The following LAMA2 variants were observed in gnomAD, a reference collection of about 807,000 sequenced individuals.
LAMA2 encodes the protein laminin subunit alpha-2.
In LAMA2, 269 loss-of-function variants were observed where a neutral mutation model predicts 364.8. The observed-to-expected ratio is 0.74, with a 90% CI of 0.67 to 0.82. The LOEUF is 0.82. Ranked by LOEUF, LAMA2 falls within the 40% of genes least tolerant of loss-of-function variation. The probability of loss-of-function intolerance (pLI) is 0.00; values close to 1 mark genes in which losing one functional copy is unlikely to be tolerated. For missense variants in LAMA2, 3,807 were observed against 3,873.2 expected, an observed-to-expected ratio of 0.98 and a Z score of 0.45; for synonymous variants, 1,379 against 1,370.6, an observed-to-expected ratio of 1.01 and a Z score of -0.14.
In LAMA2 at chr6:129,177,714, C is replaced by T. The variant is rs1189105467; in HGVS notation, c.1315C>T (p.Pro439Ser). The T allele has an allele frequency of 3.1e-6, 5 of 1,613,820 alleles. No homozygotes were observed. The highest frequency in any genetic ancestry group is 4.2e-6 in the Non-Finnish European group (5 of 1,179,880). ...DEKHARRGLA[P>S]GSCHCKTGFG... is the part of the protein sequence containing the mutation. ...GGCTCATCTTTCTTTAGGTTTGGCA[C>T]CTGGATCCTGTCATTGCAAAACTGG... The change falls in exon 10 of 65, where the codon CCT becomes TCT. Residue 439 changes from proline to serine, a missense_variant. Pro to Ser is a moderately conservative substitution (Grantham distance 74, BLOSUM62 -1). Coordinates refer to ENST00000421865, the MANE Select transcript of LAMA2 (RefSeq NM_000426.4).
At chr6:129,442,951 C>T (rs953627751) in intron 43 of LAMA2, 112 bp from the exon 44 acceptor site, 2 of 721,268 alleles carry the variant, frequency 2.8e-6, no homozygotes, top group Non-Finnish European at 4.7e-6. Flanking sequence ...ATAATTAGTA[C>T]CTGTTATGAA....
At chr6:129,086,371 A>G (rs949367298) in intron 3 of LAMA2, among the ~76,000 whole-genome samples, 1 of 152,224 alleles carries the variant, frequency 6.6e-6, no homozygotes, top group Non-Finnish European at 1.5e-5. Context: ...CAAGACATTA[A>G]CAGACATTTA....
chr6:128,991,211 A>G (rs1783589232), intron 1 of LAMA2, among the ~76,000 whole-genome samples: 1 of 152,078 alleles, frequency 6.6e-6, no homozygotes, highest in Non-Finnish European at 1.5e-5. Context: ...AGCTTATTTT[A>G]TTCTCTTAGA....
In LAMA2 at chr6:129,099,130, T is replaced by TG. The variant is rs549750609; in HGVS notation, c.639+715_639+716insG. On this transcript the variant is annotated intron_variant, in intron 4 of 64. Coordinates refer to ENST00000421865, the MANE Select transcript of LAMA2 (RefSeq NM_000426.4). The stretch of plus-strand genomic sequence containing the variant: ...GGCGGGGAGGTTTTTTTTTTGTTTT[T>TG]TTTTTTTTTGTTTTCTGGCTTAGTT... Among the ~76,000 whole-genome samples, 1,053 of 149,546 alleles carry TG rather than the reference T, an allele frequency of 7.0e-3. 15 individuals are homozygous for TG. Among genetic ancestry groups the TG allele is most frequent in the South Asian group, 0.043 (205 of 4,760 alleles).
In LAMA2 at chr6:128,904,451, TC is replaced by T. The variant is rs756850117; in HGVS notation, c.112+21095del. Among the ~76,000 whole-genome samples the T allele has an allele frequency of 2.4e-3, 351 of 145,138 alleles. 1 individual carries two copies. Among genetic ancestry groups the T allele is most frequent in the African/African-American group, 8.7e-3 (330 of 37,922 alleles). On this transcript the variant is annotated intron_variant, in intron 1 of 64. Transcript: ENST00000421865. ...GCTGAGTTTCTTTATTTTTTTCCTT[TC>T]TTTTTTTTTTTTTTTTTTTTAAGAT...
chr6:129,200,239 CAT>C (rs1782141033), intron 12 of LAMA2, among the ~76,000 whole-genome samples: 1 of 127,276 alleles, frequency 7.9e-6, no homozygotes, highest in Admixed American at 7.4e-5. Flanking sequence ...TACACATATA[CAT>C]GTGTATATAT....
intron 46 of LAMA2, among the ~76,000 whole-genome samples, chr6:129,453,546 T>A (rs1322016192): frequency 6.6e-6 from 1 of 152,164 alleles, no homozygotes; most frequent in Non-Finnish European, 1.5e-5. Flanking sequence ...TTTTTACCAA[T>A]GGAAACTCTT....
chr6:128,904,735 G>A (rs1004478961), intron 1 of LAMA2, among the ~76,000 whole-genome samples: 1 of 152,118 alleles, frequency 6.6e-6, no homozygotes, highest in Non-Finnish European at 1.5e-5. Flanking sequence ...GGGATTACAG[G>A]TGTGAACCAC....
intron 22 of LAMA2, among the ~76,000 whole-genome samples, chr6:129,304,131 T>C (rs931114292): frequency 3.5e-4 from 54 of 152,192 alleles, no homozygotes; most frequent in African/African-American, 1.3e-3. Flanking sequence ...ATAGATCCTA[T>C]AGACATTAAG....
intron 9 of LAMA2, among the ~76,000 whole-genome samples, chr6:129,166,053 C>T (rs1779725772): frequency 6.6e-6 from 1 of 152,112 alleles, no homozygotes; most frequent in East Asian, 1.9e-4. Context: ...CCAGCGTTCA[C>T]TGAGGAATGT....
At chr6:128,966,262 A>G (rs1474573863) in intron 1 of LAMA2, among the ~76,000 whole-genome samples, 2 of 152,030 alleles carry the variant, frequency 1.3e-5, no homozygotes, top group Non-Finnish European at 2.9e-5. Context: ...GAGATTAGCC[A>G]TACATTTTAA....
At chr6:129,447,544 G>A (rs554360850) in intron 45 of LAMA2, among the ~76,000 whole-genome samples, 14 of 152,328 alleles carry the variant, frequency 9.2e-5, no homozygotes, top group South Asian at 2.1e-4. Flanking sequence ...GCCAGGTCTC[G>A]TCAGGCCTTC....
At chr6:129,447,386 A>T (rs552295855) in intron 45 of LAMA2, among the ~76,000 whole-genome samples, 1 of 152,308 alleles carries the variant, frequency 6.6e-6, no homozygotes, top group African/African-American at 2.4e-5. Context: ...GGGTGGAGTC[A>T]GGTAACAGGG....
At chr6:129,159,469 T>A (rs1378069666) in intron 8 of LAMA2, among the ~76,000 whole-genome samples, 1 of 152,216 alleles carries the variant, frequency 6.6e-6, no homozygotes, top group Non-Finnish European at 1.5e-5. Flanking sequence ...GCCGGGAGGA[T>A]CTGCCGGGGA....
chr6:128,927,610 C>G (rs993685582), intron 1 of LAMA2, among the ~76,000 whole-genome samples: 2 of 152,136 alleles, frequency 1.3e-5, no homozygotes, highest in African/African-American at 2.4e-5. Context: ...TCCTCACCCA[C>G]CTCCATCAAG....
intron 10 of LAMA2, among the ~76,000 whole-genome samples, chr6:129,186,592 A>G (rs1445973699): frequency 6.6e-6 from 1 of 151,774 alleles, no homozygotes; most frequent in Non-Finnish European, 1.5e-5. Flanking sequence ...AGCCTATTTT[A>G]ATCTTGTCAT....
intron 22 of LAMA2, among the ~76,000 whole-genome samples, chr6:129,308,845 C>A: frequency 6.6e-6 from 1 of 152,124 alleles, no homozygotes; most frequent in African/African-American, 2.4e-5. Context: ...TTCCACATGG[C>A]AGGATCAGGA....
chr6:129,426,863 T>C (rs1781349460), intron 40 of LAMA2, among the ~76,000 whole-genome samples: 1 of 152,130 alleles, frequency 6.6e-6, no homozygotes, highest in Non-Finnish European at 1.5e-5. Flanking sequence ...CTTTAACGAG[T>C]GTTATGTCTG....
intron 5 of LAMA2, among the ~76,000 whole-genome samples, chr6:129,145,423 A>G (rs1009971552): frequency 2.6e-5 from 4 of 152,020 alleles, no homozygotes; most frequent in Non-Finnish European, 5.9e-5. Context: ...TGCAAAACTA[A>G]TCATTATTTT....
Sources: allele counts gnomAD v4.1 joint callset (sites outside exome capture counted in the v4.1 genomes callset), GRCh38; gene constraint gnomAD v4.1.1; transcripts MANE v1.5; gene names NCBI Gene and HGNC (gene_info 2026-07-23, HGNC 2026-07-21).